The following STPG1 variants were observed in gnomAD, a reference collection of about 807,000 sequenced individuals.
STPG1 encodes sperm tail PG-rich repeat containing 1, also known as O(6)-methylguanine-induced apoptosis 2.
A neutral mutation model predicts 40.1 loss-of-function variants in STPG1; 33 were observed. That is an observed-to-expected ratio of 0.82 (90% confidence interval 0.62 to 1.10). STPG1 has a LOEUF of 1.10. Ranked by LOEUF, STPG1 falls within the 50% of genes least tolerant of loss-of-function variation. The pLI is 0.00. For synonymous variants in STPG1, 150 were observed against 155.0 expected (o/e 0.97, Z 0.24); for missense variants, 396 against 415.1 (o/e 0.95, Z 0.40).
intron 7 of STPG1, among the ~76,000 whole-genome samples, chr1:24,367,118 C>A (rs1024153172): frequency 1.3e-5 from 2 of 152,182 alleles, no homozygotes; most frequent in Non-Finnish European, 2.9e-5. Context: ...ACCCCTGGGG[C>A]CACCTAACCC....
rs551473023 is a variant in STPG1 at position 24,361,013 on chromosome 1, G to A, written c.766C>T (p.Gln256Ter). Residue 256 changes from glutamine to a stop codon, truncating the protein, a stop_gained, in exon 8 of 9, where the codon CAG becomes TAG. Transcript: ENST00000337248. LOFTEE classifies it high-confidence loss of function. Reference protein sequence around the residue: ...PKNPILNFSAQPSPLPPKPPF... With the variant: ...PKNPILNFSA Reference sequence around the variant, plus strand: ...GGCTTCGGAGGCAGAGGCGAAGGCTGAGCAGAGAAGTTCAGGATGGGGTTT... The same window carrying A: ...GGCTTCGGAGGCAGAGGCGAAGGCTAAGCAGAGAAGTTCAGGATGGGGTTT... The A allele has an allele frequency of 8.7e-6, 14 of 1,611,772 alleles. No homozygotes were observed. Among genetic ancestry groups the A allele is most frequent in the Non-Finnish European group, 1.1e-5 (13 of 1,179,044 alleles).
chr1:24,379,593 T>A lies in STPG1; in HGVS notation c.462+60A>T. Reference sequence around the variant, plus strand: ...CGATGTCCCCAAGATCCCCTCTTCCTTTTATTTTAGTAAACCATTAATTCG... The same window carrying A: ...CGATGTCCCCAAGATCCCCTCTTCCATTTATTTTAGTAAACCATTAATTCG... On this transcript the variant is annotated intron_variant, in intron 5 of 8. Coordinates refer to ENST00000337248, the MANE Select transcript of STPG1 (RefSeq NM_001199013.2). 3 of 1,575,810 alleles carry A rather than the reference T, an allele frequency of 1.9e-6. No homozygotes were observed. In the East Asian group the frequency reaches 6.7e-5, roughly 35 times the overall value.
At position 24,359,444 on chromosome 1, in the gene STPG1, C is replaced by T. The variant is rs560823932; in HGVS notation, c.929-825G>A. ...TTGCATGTTTGCAATGCTGAGTTCT[C>T]CTCGACTGACTAGATGAGCCCCAGA... is the stretch of plus-strand genomic sequence containing the variant. On this transcript the variant is annotated intron_variant, in intron 8 of 8. Coordinates refer to ENST00000337248, the MANE Select transcript of STPG1 (RefSeq NM_001199013.2). This position sits in a 1 kb window ranked among gnomAD's most constrained non-coding sequence, Gnocchi z 5.3. Among the ~76,000 whole-genome samples, 1 of 152,350 alleles carries T rather than the reference C, an allele frequency of 6.6e-6. No individual in the cohort carries two copies. The highest frequency in any genetic ancestry group is 2.4e-5 in the African/African-American group (1 of 41,580).
At chr1:24,363,505 A>T (rs1309087735) in intron 7 of STPG1, among the ~76,000 whole-genome samples, 1 of 152,192 alleles carries the variant, frequency 6.6e-6, no homozygotes, top group Non-Finnish European at 1.5e-5. Flanking sequence ...TTGAATCCCC[A>T]CTTCCCCGTT....
intron 6 of STPG1, among the ~76,000 whole-genome samples, chr1:24,370,124 T>A (rs986195193): frequency 5.9e-5 from 9 of 152,312 alleles, no homozygotes; most frequent in Admixed American, 3.3e-4. Context: ...GATTGTTAAA[T>A]AATTTGCCAA....
chr1:24,364,312 G>A, intron 7 of STPG1: 1 of 1,549,804 alleles, frequency 6.5e-7, no homozygotes, highest in Non-Finnish European at 8.7e-7. Flanking sequence ...GAGGGACCTG[G>A]ATTCAAATCC....
At chr1:24,373,846 C>T in intron 5 of STPG1, 36 bp from the exon 6 acceptor site, 3 of 1,420,814 alleles carry the variant, frequency 2.1e-6, no homozygotes, top group Non-Finnish European at 9.9e-7. Flanking sequence ...TACTCAGTAC[C>T]TTTCCTTTCT....
chr1:24,409,046 C>T (rs1488341481), intron 1 of STPG1, among the ~76,000 whole-genome samples: 3 of 152,118 alleles, frequency 2.0e-5, no homozygotes, highest in East Asian at 1.9e-4. Flanking sequence ...ACCAATCCAG[C>T]TTAACAAGGT....
intron 7 of STPG1, among the ~76,000 whole-genome samples, chr1:24,362,380 G>A (rs1641179635): frequency 6.6e-6 from 1 of 152,216 alleles, no homozygotes; most frequent in Non-Finnish European, 1.5e-5. Context: ...AAGCATGATG[G>A]CGGAGGGGAC....
intron 4 of STPG1, among the ~76,000 whole-genome samples, chr1:24,380,427 A>G (rs1050820279): frequency 2.6e-5 from 4 of 152,204 alleles, no homozygotes; most frequent in African/African-American, 9.7e-5. Flanking sequence ...AACAGAATCA[A>G]TGTTTGTCAA....
chr1:24,379,567 A>G, intron 5 of STPG1, 86 bp downstream of exon 5: 1 of 1,461,276 alleles, frequency 6.8e-7, no homozygotes. Flanking sequence ...GCATTAAAAT[A>G]CGATGTCCCC....
At chr1:24,374,242 G>GTGTTTTTTTT (rs1641899358) in intron 5 of STPG1, among the ~76,000 whole-genome samples, 4 of 124,860 alleles carry the variant, frequency 3.2e-5, no homozygotes, top group African/African-American at 9.7e-5. Context: ...CGCTAGGAAA[G>GTGTTTTTTTT]TGTTTTTTTT....
At chr1:24,390,940 C>T (rs1250976566) in intron 3 of STPG1, among the ~76,000 whole-genome samples, 5 of 151,998 alleles carry the variant, frequency 3.3e-5, no homozygotes, top group African/African-American at 1.2e-4. Context: ...GCTGGGTCTA[C>T]AGGCACACAC....
rs1268262223 is a variant in STPG1 at position 24,358,611 on chromosome 1, T to C, written c.937A>G (p.Lys313Glu). ...GACTGCTTTCCTGGAAGCTCTGGCTTGTACGTAGCTGTGAGGGGACAGAGA... is the reference window on the plus strand; with the variant it reads ...GACTGCTTTCCTGGAAGCTCTGGCTCGTACGTAGCTGTGAGGGGACAGAGA... ...QPGLPGPATYKPELPGKQSFL... is the reference protein window; with the variant it reads ...QPGLPGPATYEPELPGKQSFL... The change falls in exon 9 of 9, where the codon AAG becomes GAG. Residue 313 changes from lysine (K) to glutamate (E), a missense_variant. Coordinates refer to ENST00000337248, the MANE Select transcript of STPG1 (RefSeq NM_001199013.2). The C allele has an allele frequency of 6.2e-7, 1 of 1,613,306 alleles. No individual in the cohort carries two copies. The highest frequency in any genetic ancestry group is 1.7e-5 in the Admixed American group (1 of 60,002).
chr1:24,380,793 C>A (rs1318540083), intron 4 of STPG1, among the ~76,000 whole-genome samples: 1 of 152,156 alleles, frequency 6.6e-6, no homozygotes, highest in East Asian at 1.9e-4. Context: ...TGGGTTCAAG[C>A]CCCAGCTCAA....
At chr1:24,379,889 C>A in intron 4 of STPG1, 66 bp from the exon 5 acceptor site, 1 of 1,519,648 alleles carries the variant, frequency 6.6e-7, no homozygotes, top group South Asian at 1.2e-5. Flanking sequence ...GGACAGATGT[C>A]AAAAAGATGG....
rs1472923226 is a variant in STPG1 at position 24,358,010 on chromosome 1, A to AGCATC, written c.*528_*532dup. ...AAGGAAGCTGTGGACTGGTGGAAAA[A>AGCATC]GCATCACCTGCCTGCAGGTAGCTTT... On this transcript the variant is annotated 3_prime_UTR_variant, in exon 9 of 9. Coordinates refer to ENST00000337248, the MANE Select transcript of STPG1 (RefSeq NM_001199013.2). The AGCATC allele has an allele frequency of 8.5e-6, 3 of 354,926 alleles. No homozygotes were observed. Among genetic ancestry groups the AGCATC allele is most frequent in the African/African-American group, 6.4e-5 (3 of 46,750 alleles). The allele number at this position is 354,926 out of a possible 1,614,324, so 22.0% of individuals were successfully genotyped here. A position where few individuals can be genotyped will look rare whatever the true frequency, so the allele number is the denominator to read the frequency against.
Position 24,358,337 on chromosome 1 carries a change from G to C in STPG1, c.*206C>G. On this transcript the variant is annotated 3_prime_UTR_variant, in exon 9 of 9. Coordinates refer to ENST00000337248, the MANE Select transcript of STPG1 (RefSeq NM_001199013.2). ...GAAGCCACTGGAGTCTGTGGGGCTG[G>C]GGTGAAGTCTCCAGGGAGCAATGTC... 1.4e-6 allele frequency: 1 copy of C among 692,950 alleles called. No homozygotes were observed. Among genetic ancestry groups the C allele is most frequent in the Non-Finnish European group, 2.6e-6 (1 of 378,260 alleles). The allele number at this position is 692,950 out of a possible 1,614,324, so 42.9% of individuals were successfully genotyped here. A position where few individuals can be genotyped will look rare whatever the true frequency, so the allele number is the denominator to read the frequency against.
intron 8 of STPG1, 90 bp from the exon 9 acceptor site, chr1:24,358,709 G>T: frequency 1.0e-6 from 1 of 993,316 alleles, no homozygotes; most frequent in Non-Finnish European, 1.5e-6. Context: ...GGAAAGGCCT[G>T]GGGACCCCTG....
Sources: gnomAD v4.1 joint callset for allele counts (sites outside exome capture counted in the v4.1 genomes callset) on GRCh38, gnomAD v4.1.1 for gene constraint, Gnocchi (gnomAD v3.1) non-coding constraint, MANE v1.5 for transcripts, NCBI Gene and HGNC (gene_info 2026-07-23, HGNC 2026-07-21) for gene names.